Variants in MTOR observed in about 807,000 individuals in gnomAD.
The protein encoded by MTOR is serine/threonine-protein kinase mTOR.
A neutral mutation model predicts 319.8 loss-of-function variants in MTOR; 70 were observed. The observed-to-expected ratio is 0.22, with a 90% CI of 0.18 to 0.27. MTOR has a LOEUF of 0.27. Among genes scored for constraint, MTOR ranks in the 10% least tolerant of loss-of-function variants. MTOR has a pLI of 1.00. For synonymous variants in MTOR, 1,183 were observed against 1,211.4 expected (o/e 0.98, Z 0.49); for missense variants, 1,890 against 3,274.4 (o/e 0.58, Z 10.32).
chr1:11,238,929 A>ATTT (rs35499063), intron 11 of MTOR, among the ~76,000 whole-genome samples: 1 of 139,472 alleles, frequency 7.2e-6, no homozygotes, highest in Non-Finnish European at 1.5e-5. Context: ...CGCCTGGCTA[A>ATTT]TTTTTTTTTT....
At position 11,127,361 on chromosome 1, in the gene MTOR, G is replaced by C. The variant is rs1642891055; in HGVS notation, c.6217-217C>G. Among the ~76,000 whole-genome samples, 1 of 152,194 alleles carries C rather than the reference G, an allele frequency of 6.6e-6. No homozygotes were observed. Among genetic ancestry groups the C allele is most frequent in the Non-Finnish European group, 1.5e-5 (1 of 68,034 alleles). On this transcript the variant is annotated intron_variant, in intron 44 of 57. Coordinates refer to ENST00000361445, the MANE Select transcript of MTOR (RefSeq NM_004958.4). The surrounding 1 kb of genome is among the most constrained non-coding windows in gnomAD (Gnocchi z 5.5). Reference sequence around the variant, plus strand: ...ATAGGGAAGGAAGGGTGAGAGGAGAGACGAGATGACCTCTTGAGAAATCTT... The same window carrying C: ...ATAGGGAAGGAAGGGTGAGAGGAGACACGAGATGACCTCTTGAGAAATCTT...
At chr1:11,117,272 T>C (rs1476739321) in intron 49 of MTOR, among the ~76,000 whole-genome samples, 186 bp from the exon 50 acceptor site, 2 of 152,218 alleles carry the variant, frequency 1.3e-5, no homozygotes, top group African/African-American at 4.8e-5. Context: ...GCGGTTCTCA[T>C]GCCTCAGCCT....
intron 31 of MTOR, chr1:11,149,155 T>C (rs1644049077): frequency 6.6e-6 from 1 of 152,224 alleles, no homozygotes; most frequent in South Asian, 2.1e-4. Context: ...TGTAGGTGTA[T>C]GACCCCACTA....
intron 30 of MTOR, among the ~76,000 whole-genome samples, chr1:11,156,723 G>A (rs1289106777): frequency 6.6e-6 from 1 of 152,158 alleles, no homozygotes; most frequent in Non-Finnish European, 1.5e-5. Flanking sequence ...GCCTGGCATA[G>A]TGCTGGACAC....
chr1:11,230,082 T>C (rs1051419426), intron 18 of MTOR, among the ~76,000 whole-genome samples: 1 of 151,122 alleles, frequency 6.6e-6, no homozygotes, highest in African/African-American at 2.4e-5. Context: ...CCTCTCCCTA[T>C]TCCCCCTCCC....
Position 11,109,993 on chromosome 1 carries a change from C to CAAA in MTOR, c.7367-267_7367-265dup, listed in dbSNP as rs5772442. On this transcript the variant is annotated intron_variant, in intron 54 of 57. Coordinates refer to ENST00000361445, the MANE Select transcript of MTOR (RefSeq NM_004958.4). This position sits in a 1 kb window ranked among gnomAD's most constrained non-coding sequence, Gnocchi z 4.0. Reference sequence around the variant, plus strand: ...CAAGACCAGCCTGAGACTCCATTTGCAAAAAAAAAAAAAAAAATTTTTAAA... The same window carrying CAAA: ...CAAGACCAGCCTGAGACTCCATTTGCAAAAAAAAAAAAAAAAAAAATTTTTAAA... 3.1e-5 allele frequency among the ~76,000 whole-genome samples: 4 copies of CAAA among 129,798 alleles called. No homozygotes were observed. Among genetic ancestry groups the CAAA allele is most frequent in the East Asian group, 4.1e-4 (2 of 4,824 alleles). 85.2% of individuals were successfully genotyped at this position (129,798 alleles called of 152,430 possible). A position where few individuals can be genotyped will look rare whatever the true frequency, so the allele number is the denominator to read the frequency against.
rs541374940 is a variant in MTOR, at chr1:11,204,435, T to C, written c.3944+126A>G. 21 of 1,310,638 alleles carry C rather than the reference T, an allele frequency of 1.6e-5. No homozygotes were observed. In the East Asian group the frequency reaches 5.0e-4, roughly 31 times the overall value. The allele number at this position is 1,310,638 out of a possible 1,614,324, so 81.2% of individuals were successfully genotyped here. A position where few individuals can be genotyped will look rare whatever the true frequency, so the allele number is the denominator to read the frequency against. ...CTTGTTGAATTTGTCTTTCTCTTTC[T>C]TTGTATCCCACAAAATTAGAAAAAT... On this transcript the variant is annotated intron_variant, in intron 26 of 57. Coordinates refer to ENST00000361445, the MANE Select transcript of MTOR (RefSeq NM_004958.4).
At chr1:11,117,349 C>T (rs191232753) in intron 49 of MTOR, among the ~76,000 whole-genome samples, 9 of 152,172 alleles carry the variant, frequency 5.9e-5, no homozygotes, top group Admixed American at 2.6e-4. Context: ...TTAGTAGAGA[C>T]GGGGTTTCAC....
Position 11,241,637 on chromosome 1 carries a change from A to G in MTOR, c.1457T>C (p.Ile486Thr). 1 of 1,614,030 alleles carries G rather than the reference A, an allele frequency of 6.2e-7. No individual in the cohort carries two copies. Among genetic ancestry groups the G allele is most frequent in the East Asian group, 2.2e-5 (1 of 44,868 alleles). Residue 486 changes from isoleucine to threonine, a missense_variant, in exon 10 of 58, where the codon ATC becomes ACC. This residue lies in a region of MTOR where 418 missense variants were observed against 543.1 expected (regional missense o/e 0.77). Transcript: ENST00000361445. ...MQVDATVFTC[I>T]SMLARAMGPG... The stretch of plus-strand genomic sequence containing the variant: ...CCCCATTGCTCGAGCCAGCATGCTG[A>G]TGCAAGTGAAGACTGTGGCATCCAC...
At chr1:11,146,566 G>C (rs3730384) in intron 32 of MTOR, 110 bp downstream of exon 32, 1 of 788,276 alleles carries the variant, frequency 1.3e-6, no homozygotes, top group South Asian at 1.6e-5. Flanking sequence ...TCACAGAGCC[G>C]AGTAAACATC....
At position 11,212,946 on chromosome 1, in the gene MTOR, G is replaced by A. The variant is rs72856927; in HGVS notation, c.3286-38C>T. 2.2e-3 allele frequency: 3,378 copies of A among 1,522,082 alleles called. 53 individuals are homozygous for A. The African/African-American group carries it at 0.037, about 17-fold the overall frequency. The allele number at this position is 1,522,082 out of a possible 1,614,324, so 94.3% of individuals were successfully genotyped here. A position where few individuals can be genotyped will look rare whatever the true frequency, so the allele number is the denominator to read the frequency against. ...GCAAAAGCATGGTGATGAATAGTCA[G>A]GTCCCAAGTATCTAAGGACACGCAG... On this transcript the variant is annotated intron_variant, in intron 21 of 57. Transcript: ENST00000361445. The surrounding 1 kb of genome is among the most constrained non-coding windows in gnomAD (Gnocchi z 4.1).
intron 30 of MTOR, among the ~76,000 whole-genome samples, chr1:11,154,188 A>ACAACAACAG (rs1553178823): frequency 6.6e-6 from 1 of 151,358 alleles, no homozygotes; most frequent in African/African-American, 2.4e-5. Context: ...AACAACAACA[A>ACAACAACAG]CAACAACAAC....
At chr1:11,191,480 C>A (rs1212577906) in intron 28 of MTOR, among the ~76,000 whole-genome samples, 1 of 152,178 alleles carries the variant, frequency 6.6e-6, no homozygotes, top group Non-Finnish European at 1.5e-5. Flanking sequence ...AAGAAAAGCA[C>A]CCCGAGACAT....
intron 49 of MTOR, among the ~76,000 whole-genome samples, chr1:11,120,162 A>G (rs955646961): frequency 6.6e-6 from 1 of 151,884 alleles, no homozygotes; most frequent in African/African-American, 2.4e-5. Flanking sequence ...CTGCAGCCTC[A>G]TTCTCCTGGA....
chr1:11,107,656 C>T (rs1003277085), intron 57 of MTOR, among the ~76,000 whole-genome samples, 156 bp from the exon 58 acceptor site: 8 of 152,134 alleles, frequency 5.3e-5, no homozygotes, highest in African/African-American at 1.9e-4. Flanking sequence ...TCATCATTTC[C>T]AGTCAAGGCT....
intron 2 of MTOR, 152 bp downstream of exon 2, chr1:11,259,096 G>T: frequency 1.1e-6 from 1 of 931,690 alleles, no homozygotes; most frequent in Non-Finnish European, 1.6e-6. Flanking sequence ...AAAAGAACCT[G>T]CATGTTTTAT....
chr1:11,164,433 A>C (rs1339266346), intron 29 of MTOR, among the ~76,000 whole-genome samples: 1 of 152,140 alleles, frequency 6.6e-6, no homozygotes. Context: ...ATCCCACAGA[A>C]ATACAAACTA....
intron 28 of MTOR, 32 bp from the exon 29 acceptor site, chr1:11,167,549 T>G (rs753710017): frequency 8.9e-6 from 14 of 1,575,992 alleles, no homozygotes; most frequent in Non-Finnish European, 9.5e-6. Flanking sequence ...GTAGTTACAC[T>G]CAACAGGTCT....
At chr1:11,172,315 TG>T (rs776902946) in intron 28 of MTOR, among the ~76,000 whole-genome samples, 8 of 151,806 alleles carry the variant, frequency 5.3e-5, no homozygotes, top group Non-Finnish European at 1.2e-4. Context: ...CCCAGCACTT[TG>T]GGAGGCTGAG....
Sources: allele counts gnomAD v4.1 joint callset (sites outside exome capture counted in the v4.1 genomes callset), GRCh38; gene constraint gnomAD v4.1.1; regional missense constraint gnomAD v4.1.1; non-coding constraint Gnocchi (gnomAD v3.1); transcripts MANE v1.5; gene names NCBI Gene and HGNC (gene_info 2026-07-23, HGNC 2026-07-21).